The following TNRC6A variants were observed in gnomAD, a reference collection of about 807,000 sequenced individuals.
The protein encoded by TNRC6A is trinucleotide repeat-containing gene 6A protein.
A neutral mutation model predicts 221.2 loss-of-function variants in TNRC6A; 44 were observed. The observed-to-expected ratio is 0.20, with a 90% CI of 0.16 to 0.26. TNRC6A has a LOEUF of 0.26. TNRC6A is among the 10% of genes least tolerant of loss of function. The pLI, the probability that TNRC6A is intolerant of heterozygous loss-of-function variation, is 1.00. For missense variants in TNRC6A, 2,199 were observed against 2,404.4 expected, an observed-to-expected ratio of 0.91 and a Z score of 1.79; for synonymous variants, 847 against 838.5, an observed-to-expected ratio of 1.01 and a Z score of -0.18.
intron 2 of TNRC6A, among the ~76,000 whole-genome samples, chr16:24,648,405 G>A (rs879666645): frequency 6.5e-4 from 98 of 151,282 alleles, no homozygotes; most frequent in Non-Finnish European, 9.4e-4. Flanking sequence ...CAAGTAGCTA[G>A]GACTACAGGT....
rs560755932 is a variant in TNRC6A at position 24,757,388 on chromosome 16, AT to A, written c.142-949del. ...AATTTCATATAACTAAGCAAAATGA[AT>A]TATGCCCCATGGCAGCTAAGAAAAG... On this transcript the variant is annotated intron_variant, in intron 3 of 24. Coordinates refer to ENST00000395799, the MANE Select transcript of TNRC6A (RefSeq NM_014494.4). Among the ~76,000 whole-genome samples, 6 of 152,370 alleles carry A rather than the reference AT, an allele frequency of 3.9e-5. No individual in the cohort carries two copies. In the South Asian group the frequency reaches 8.3e-4, roughly 21 times the overall value.
chr16:24,763,353 T>G (rs1004457898), intron 4 of TNRC6A, among the ~76,000 whole-genome samples: 1 of 152,224 alleles, frequency 6.6e-6, no homozygotes, highest in African/African-American at 2.4e-5. Context: ...TTAAATCCTT[T>G]TCCAGTATGC....
At chr16:24,735,986 G>A (rs776849318) in intron 2 of TNRC6A, among the ~76,000 whole-genome samples, 3 of 152,114 alleles carry the variant, frequency 2.0e-5, no homozygotes, top group Non-Finnish European at 4.4e-5. Flanking sequence ...CCAACATGGT[G>A]AAACCCCATC....
At chr16:24,727,186 T>A (rs2056506631), upstream of TNRC6A, among the ~76,000 whole-genome samples, 1 of 152,142 alleles carries the variant, frequency 6.6e-6, no homozygotes, top group Non-Finnish European at 1.5e-5. Context: ...TGCACCACTA[T>A]GCCTGGCTAA....
Position 24,823,794 on chromosome 16 carries a change from G to C in TNRC6A, c.5876G>C (p.Gly1959Ala). 4.1e-6 allele frequency: 6 copies of C among 1,474,764 alleles called. No homozygotes were observed. In the South Asian group the frequency reaches 8.9e-5, roughly 22 times the overall value. 91.4% of individuals were successfully genotyped at this position (1,474,764 alleles called of 1,614,324 possible). A position where few individuals can be genotyped will look rare whatever the true frequency, so the allele number is the denominator to read the frequency against. The change falls in exon 25 of 25, where the codon GGA (glycine) becomes GCA (alanine). Residue 1959 changes from glycine to alanine, a missense_variant. Coordinates refer to ENST00000395799, the MANE Select transcript of TNRC6A (RefSeq NM_014494.4). The surrounding 1 kb of genome is among the most constrained non-coding windows in gnomAD (Gnocchi z 4.3). ...FLSVDHLGGGGESM is the reference protein window; with the variant it reads ...FLSVDHLGGGAESM ...TCTGTTGACCACCTGGGTGGGGGTG[G>C]AGAGTCCATGTAACAGTGTAGATGC...
rs373013679 is a variant in TNRC6A at position 24,806,666 on chromosome 16, G to T, written c.4422G>T (p.Gln1474His). 1 of 1,614,034 alleles carries T rather than the reference G, an allele frequency of 6.2e-7. No homozygotes were observed. The highest frequency in any genetic ancestry group is 8.5e-7 in the Non-Finnish European group (1 of 1,180,046). Residue 1474 changes from glutamine (Q) to histidine (H), a missense_variant, in exon 17 of 25, where the codon CAG (glutamine) becomes CAT (histidine). Gln to His is a conservative substitution (Grantham distance 24). This residue lies in a region of TNRC6A where 449 missense variants were observed against 579.7 expected (regional missense o/e 0.77). Transcript: ENST00000395799. ...TGAAGCAGCAGACTCCACCATCTCA[G>T]CAGCAGCCACTCCATCAGCCAGCCA... is the stretch of plus-strand genomic sequence containing the variant. ...LLVKQQTPPS[Q>H]QQPLHQPAMK... is the part of the protein sequence containing the mutation.
chr16:24,792,751 G>A (rs1271762007), intron 6 of TNRC6A, among the ~76,000 whole-genome samples: 1 of 145,578 alleles, frequency 6.9e-6, no homozygotes, highest in Non-Finnish European at 1.5e-5. Context: ...TTTTTCCAGT[G>A]TAGGTGGTGT....
At chr16:24,727,311 G>A (rs150827275), upstream of TNRC6A, among the ~76,000 whole-genome samples, 2,078 of 152,214 alleles carry the variant, frequency 0.014, 55 homozygotes, top group African/African-American at 0.047. Context: ...TTACAGGCAT[G>A]AGCCACCGCG....
upstream of TNRC6A, among the ~76,000 whole-genome samples, chr16:24,727,218 C>G (rs531195542): frequency 6.6e-6 from 1 of 151,964 alleles, no homozygotes; most frequent in Non-Finnish European, 1.5e-5. Flanking sequence ...TACTACAGGC[C>G]GGGTTTCCTC....
At chr16:24,805,266 T>G in intron 14 of TNRC6A, 115 bp downstream of exon 14, 3 of 1,400,338 alleles carry the variant, frequency 2.1e-6, no homozygotes, top group South Asian at 1.4e-5. Context: ...ATCTTTGAGA[T>G]TCAGCTAGTT....
At chr16:24,798,359 G>C (rs1047300758) in intron 11 of TNRC6A, among the ~76,000 whole-genome samples, 11 of 152,218 alleles carry the variant, frequency 7.2e-5, no homozygotes, top group African/African-American at 2.2e-4. Context: ...GGTGGTGGTA[G>C]TGAAAGATCA....
intron 2 of TNRC6A, among the ~76,000 whole-genome samples, chr16:24,739,729 T>C (rs2056852352): frequency 6.6e-6 from 1 of 152,160 alleles, no homozygotes; most frequent in Non-Finnish European, 1.5e-5. Flanking sequence ...TCCACCCGCC[T>C]CTGCCTCCCA....
chr16:24,664,804 C>T (rs2055119784), intron 2 of TNRC6A: 1 of 438,174 alleles, frequency 2.3e-6, no homozygotes, highest in South Asian at 1.6e-5. Flanking sequence ...CACACACACA[C>T]ACACACACAA....
chr16:24,691,628 C>T (rs1387070001), intron 2 of TNRC6A, among the ~76,000 whole-genome samples: 1 of 151,954 alleles, frequency 6.6e-6, no homozygotes. Flanking sequence ...ATCAGCCAGG[C>T]GTGGTGGTGC....
chr16:24,729,610 G>A (rs2056560019), upstream of TNRC6A: 1 of 420,530 alleles, frequency 2.4e-6, no homozygotes, highest in Non-Finnish European at 4.0e-6. Flanking sequence ...GGGGGCCAGT[G>A]GCCGTGGCGC....
chr16:24,745,800 C>A (rs535577149), intron 2 of TNRC6A, among the ~76,000 whole-genome samples: 5 of 144,070 alleles, frequency 3.5e-5, no homozygotes, highest in Admixed American at 6.8e-5. Context: ...TACCATCCCC[C>A]CCCCCCCCAG....
At chr16:24,663,684 T>C (rs1405109622) in intron 2 of TNRC6A, 5 of 332,360 alleles carry the variant, frequency 1.5e-5, no homozygotes, top group Non-Finnish European at 3.0e-5. Flanking sequence ...CCAGCAATGA[T>C]GTGTGACAAC....
Position 24,618,059 on chromosome 16 carries a change from G to A in TNRC6A, n.276+7575G>A, listed in dbSNP as rs145732048. On this transcript the variant is annotated intron_variant and non_coding_transcript_variant, in intron 1 of 2. Transcript: ENST00000566108. ...ATTACAGGCGTGCGGCACCACACCC[G>A]GCTAATTTTTGTGTTTTTTTATTTG... Among the ~76,000 whole-genome samples, 48 of 152,066 alleles carry A rather than the reference G, an allele frequency of 3.2e-4. 1 individual carries two copies. The East Asian group carries it at 8.3e-3, about 26-fold the overall frequency.
chr16:24,637,216 A>G (rs956615127), intron 1 of TNRC6A, among the ~76,000 whole-genome samples: 2 of 152,030 alleles, frequency 1.3e-5, no homozygotes, highest in African/African-American at 4.8e-5. Context: ...AATTTTTTGT[A>G]GAGATGGGGT....
Sources: allele counts gnomAD v4.1 joint callset (sites outside exome capture counted in the v4.1 genomes callset), GRCh38; gene constraint gnomAD v4.1.1; regional missense constraint gnomAD v4.1.1; non-coding constraint Gnocchi (gnomAD v3.1); transcripts MANE v1.5; gene names NCBI Gene and HGNC (gene_info 2026-07-23, HGNC 2026-07-21).